Variants in PRDM10 observed in about 807,000 individuals in gnomAD.
The protein encoded by PRDM10 is PR domain zinc finger protein 10.
Under a neutral mutation model 133.1 loss-of-function variants are expected in PRDM10, and 65 were observed. The ratio of observed to expected loss-of-function variants is 0.49; its 90% CI spans 0.40 to 0.60. The LOEUF (loss-of-function observed/expected upper bound fraction) is 0.60, where lower values mean the gene tolerates loss of function less well. Ranked by LOEUF, PRDM10 falls within the 20% of genes least tolerant of loss-of-function variation. PRDM10 has a pLI of 0.00. For synonymous variants in PRDM10, 582 were observed against 580.4 expected, an observed-to-expected ratio of 1.00 and a Z score of -0.04; for missense variants, 1,137 against 1,507.1, an observed-to-expected ratio of 0.75 and a Z score of 4.07.
intron 19 of PRDM10, among the ~76,000 whole-genome samples, chr11:129,909,755 G>T (rs763078196): frequency 6.6e-6 from 1 of 152,078 alleles, no homozygotes; most frequent in African/African-American, 2.4e-5. Context: ...TACCTGCCCC[G>T]ACCTCTGTCA....
chr11:129,915,396 C>T (rs1208710317), intron 16 of PRDM10, among the ~76,000 whole-genome samples: 5 of 152,204 alleles, frequency 3.3e-5, no homozygotes, highest in African/African-American at 9.6e-5. Context: ...AACATTCAAA[C>T]GTGAGGCCCT....
Position 129,945,968 on chromosome 11 carries a change from T to C in PRDM10, c.521-956A>G, listed in dbSNP as rs1951393844. ...ATGTAAGAATTTTTCCCAGGTGCAG[T>C]GGCTCAGCCTGTAATCCCAGCACTT... On this transcript the variant is annotated intron_variant, in intron 5 of 20. Coordinates refer to ENST00000360871, the MANE Select transcript of PRDM10 (RefSeq NM_199437.2). This position sits in a 1 kb window ranked among gnomAD's most constrained non-coding sequence, Gnocchi z 4.2. Among the ~76,000 whole-genome samples, 3 of 152,116 alleles carry C rather than the reference T, an allele frequency of 2.0e-5. No homozygotes were observed. Among genetic ancestry groups the C allele is most frequent in the Non-Finnish European group, 2.9e-5 (2 of 68,012 alleles).
intron 9 of PRDM10, 33 bp downstream of exon 9, chr11:129,935,068 C>T (rs1210742595): frequency 6.5e-7 from 1 of 1,539,494 alleles, no homozygotes; most frequent in South Asian, 1.1e-5. Context: ...CCTTTATGAA[C>T]TCAGTCTGTG....
intron 6 of PRDM10, among the ~76,000 whole-genome samples, chr11:129,944,194 T>C (rs911587267): frequency 2.6e-5 from 4 of 152,062 alleles, no homozygotes; most frequent in Admixed American, 6.6e-5. Flanking sequence ...AGTGAGAAAC[T>C]AAATGTCTGT....
intron 1 of PRDM10, among the ~76,000 whole-genome samples, chr11:129,996,680 C>T (rs1013873872): frequency 6.6e-6 from 1 of 152,130 alleles, no homozygotes; most frequent in Non-Finnish European, 1.5e-5. Context: ...AAGAAACATT[C>T]CACTTGGGAA....
intron 1 of PRDM10, among the ~76,000 whole-genome samples, chr11:129,996,796 CCATTTAGA>C (rs1565519012): frequency 1.6e-4 from 24 of 152,174 alleles, no homozygotes; most frequent in African/African-American, 5.3e-4. Flanking sequence ...AAGTTTTGAA[CCATTTAGA>C]ACTGTGTGCT....
intron 4 of PRDM10, among the ~76,000 whole-genome samples, chr11:129,951,602 T>C (rs1951584060): frequency 6.6e-6 from 1 of 152,232 alleles, no homozygotes; most frequent in African/African-American, 2.4e-5. Flanking sequence ...CCACTCTCTG[T>C]AATTATTTCT....
At chr11:130,000,705 A>G (rs1939307982) in intron 1 of PRDM10, among the ~76,000 whole-genome samples, 4 of 152,062 alleles carry the variant, frequency 2.6e-5, no homozygotes, top group Admixed American at 2.6e-4. Context: ...AAGGCACAAG[A>G]CATTTGTCTT....
At position 129,947,422 on chromosome 11, in the gene PRDM10, G is replaced by A. The variant is rs2135885788; in HGVS notation, c.295-52C>T. The A allele has an allele frequency of 3.7e-6, 6 of 1,605,698 alleles. No homozygotes were observed. In the South Asian group the frequency reaches 6.6e-5, roughly 18 times the overall value. On this transcript the variant is annotated intron_variant, in intron 4 of 20. Transcript: ENST00000360871. This position sits in a 1 kb window ranked among gnomAD's most constrained non-coding sequence, Gnocchi z 4.6. ...AAGCAGACATGGACACCTGCTTTTG[G>A]TTCGCTGGTGCCTGCTGGCACAAAC...
intron 19 of PRDM10, among the ~76,000 whole-genome samples, chr11:129,909,240 C>T (rs111551831): frequency 3.3e-5 from 5 of 151,186 alleles, no homozygotes; most frequent in Non-Finnish European, 5.9e-5. Context: ...ACCTGAGGTC[C>T]GGAGTTCGAG....
At chr11:129,984,123 C>T (rs774500614) in intron 1 of PRDM10, among the ~76,000 whole-genome samples, 2 of 152,280 alleles carry the variant, frequency 1.3e-5, no homozygotes, top group South Asian at 2.1e-4. Context: ...TGATGCCTCA[C>T]GCTTCCCTGG....
In PRDM10 at chr11:129,910,565, T is replaced by C. The variant is rs777361606; in HGVS notation, c.3074A>G (p.Gln1025Arg). The change falls in exon 19 of 21, where the codon CAG becomes CGG. Residue 1025 changes from glutamine (Q) to arginine (R), a missense_variant. By Grantham distance (43) the Gln-to-Arg change is conservative. Transcript: ENST00000360871. ...HIQGSSSTQG[Q>R]ALQQQQQQQQ... is the part of the protein sequence containing the mutation. ...CTGCTGCTGCTGCTGCTGCAGAGCC[T>C]GCCCCTGTGTGGAAGAACTGCCCTG... 3 of 1,613,992 alleles carry C rather than the reference T, an allele frequency of 1.9e-6. No individual in the cohort carries two copies. In the African/African-American group the frequency reaches 4.0e-5, roughly 22 times the overall value.
Position 129,900,596 on chromosome 11 carries a change from G to T in PRDM10, c.*1717C>A, listed in dbSNP as rs892778536. 6.6e-6 allele frequency: 1 copy of T among 152,384 alleles called. No homozygotes were observed. Among genetic ancestry groups the T allele is most frequent in the East Asian group, 1.9e-4 (1 of 5,206 alleles). The allele number at this position is 152,384 out of a possible 1,614,324, so 9.4% of individuals were successfully genotyped here. A position where few individuals can be genotyped will look rare whatever the true frequency, so the allele number is the denominator to read the frequency against. On this transcript the variant is annotated 3_prime_UTR_variant, in exon 21 of 21. Transcript: ENST00000360871. ...TATAAAAGCTAAAACTGAACCTTTA[G>T]AAAATTCCACTAGTCTTCTCCTAGA... is the stretch of plus-strand genomic sequence containing the variant.
At chr11:129,924,444 A>G (rs1950613989) in intron 12 of PRDM10, among the ~76,000 whole-genome samples, 1 of 152,224 alleles carries the variant, frequency 6.6e-6, no homozygotes, top group Non-Finnish European at 1.5e-5. Flanking sequence ...ATACAAAAGT[A>G]TATTATATAC....
At chr11:129,991,109 G>C (rs1373709211) in intron 1 of PRDM10, among the ~76,000 whole-genome samples, 1 of 152,180 alleles carries the variant, frequency 6.6e-6, no homozygotes, top group East Asian at 1.9e-4. Flanking sequence ...CTAACATAAA[G>C]TGGGATAATG....
At chr11:129,911,602 G>A (rs1262178668) in intron 18 of PRDM10, among the ~76,000 whole-genome samples, 2 of 152,094 alleles carry the variant, frequency 1.3e-5, no homozygotes, top group East Asian at 1.9e-4. Flanking sequence ...CTTCCCCAAC[G>A]ACTATGTCAG....
At chr11:129,968,329 C>A (rs908588116) in intron 1 of PRDM10, among the ~76,000 whole-genome samples, 3 of 152,160 alleles carry the variant, frequency 2.0e-5, no homozygotes, top group Non-Finnish European at 4.4e-5. Flanking sequence ...CTAACTAGCA[C>A]AAACTGTGGG....
At chr11:129,935,989 T>A (rs1951017014) in intron 8 of PRDM10, among the ~76,000 whole-genome samples, 1 of 152,148 alleles carries the variant, frequency 6.6e-6, no homozygotes, top group Non-Finnish European at 1.5e-5. Context: ...ACCTTGTAAT[T>A]AGAAATGTGG....
chr11:129,935,797 A>G (rs11828453), intron 8 of PRDM10, among the ~76,000 whole-genome samples: 5,418 of 152,320 alleles, frequency 0.036, 126 homozygotes, highest in Admixed American at 0.064. Context: ...AACTAGAAAC[A>G]ATCTCATCAT....
Sources: allele counts gnomAD v4.1 joint callset (sites outside exome capture counted in the v4.1 genomes callset), GRCh38; gene constraint gnomAD v4.1.1; non-coding constraint Gnocchi (gnomAD v3.1); transcripts MANE v1.5; gene names NCBI Gene and HGNC (gene_info 2026-07-23, HGNC 2026-07-21).